Variants in NCOA1 observed in about 807,000 individuals in gnomAD.
NCOA1 encodes Hin-2 protein.
A neutral mutation model predicts 150.9 loss-of-function variants in NCOA1; 35 were observed. The observed-to-expected ratio is 0.23, with a 90% confidence interval of 0.18 to 0.31. NCOA1 has a LOEUF of 0.31. Ranked by LOEUF, NCOA1 falls within the 10% of genes least tolerant of loss-of-function variation. The pLI, the probability that NCOA1 is intolerant of heterozygous loss-of-function variation, is 1.00. For missense variants in NCOA1, 1,491 were observed against 1,749.3 expected (o/e 0.85, Z 2.63); for synonymous variants, 590 against 630.0 (o/e 0.94, Z 0.95).
chr2:24,600,068 T>A (rs1475177688), intron 3 of NCOA1, among the ~76,000 whole-genome samples: 2 of 152,190 alleles, frequency 1.3e-5, no homozygotes. Flanking sequence ...ATTATATAAA[T>A]CAGAGCCCTG....
chr2:24,700,926 T>TCCC (rs1673126889), intron 11 of NCOA1, among the ~76,000 whole-genome samples: 1 of 152,238 alleles, frequency 6.6e-6, no homozygotes, highest in African/African-American at 2.4e-5. Flanking sequence ...AATGATGTTT[T>TCCC]ATGGGTAATC....
chr2:24,510,425 C>A (rs1291539395), intron 1 of NCOA1, among the ~76,000 whole-genome samples: 1 of 152,140 alleles, frequency 6.6e-6, no homozygotes, highest in African/African-American at 2.4e-5. Context: ...TAGCTGACTG[C>A]AGCCTCAAAC....
intron 9 of NCOA1, 39 bp from the exon 10 acceptor site, chr2:24,693,213 A>ACT: frequency 6.4e-7 from 1 of 1,562,232 alleles, no homozygotes; most frequent in Non-Finnish European, 8.8e-7. Context: ...ACCATTTTCT[A>ACT]CTCTCTATCC....
At chr2:24,703,834 C>T (rs916271741) in intron 11 of NCOA1, among the ~76,000 whole-genome samples, 3 of 152,084 alleles carry the variant, frequency 2.0e-5, no homozygotes, top group Non-Finnish European at 4.4e-5. Flanking sequence ...AAAATGTAAT[C>T]AAAGCCCCTT....
intron 4 of NCOA1, among the ~76,000 whole-genome samples, chr2:24,653,675 T>C (rs530681409): frequency 2.6e-5 from 4 of 152,268 alleles, no homozygotes; most frequent in East Asian, 3.9e-4. Context: ...TTGTAACTTA[T>C]AGCACATTGT....
rs1662948651 is a variant in NCOA1 at position 24,491,468 on chromosome 2, A to AC, written c.-526dup. Among the ~76,000 whole-genome samples, 2 of 2,814 alleles carry AC rather than the reference A, an allele frequency of 7.1e-4. No homozygotes were observed. The highest frequency in any genetic ancestry group is 1.5e-3 in the African/African-American group (1 of 646). The allele number at this position is 2,814 out of a possible 152,430, so 1.8% of individuals were successfully genotyped here. ...TCCCTCTGCATCCCCCTGCGGGGGG[A>AC]CCCCTGCTCCGGAGGAGGGGGCCGG... On this transcript the variant is annotated 5_prime_UTR_variant, in exon 1 of 23. Transcript: ENST00000348332.
chr2:24,527,390 A>G (rs1664696104), intron 1 of NCOA1, among the ~76,000 whole-genome samples: 1 of 152,138 alleles, frequency 6.6e-6, no homozygotes, highest in South Asian at 2.1e-4. Flanking sequence ...AAAACATTCC[A>G]TATGTGAGGT....
chr2:24,546,524 G>A (rs1665612068), intron 1 of NCOA1, among the ~76,000 whole-genome samples: 1 of 152,136 alleles, frequency 6.6e-6, no homozygotes, highest in Admixed American at 6.5e-5. Context: ...ATCTAATTAA[G>A]ATAGAAAAAT....
intron 11 of NCOA1, among the ~76,000 whole-genome samples, chr2:24,698,060 C>G (rs921284854): frequency 1.3e-5 from 2 of 151,988 alleles, no homozygotes; most frequent in Non-Finnish European, 2.9e-5. Flanking sequence ...GTATCAAGTT[C>G]CCAACATACG....
Position 24,707,688 on chromosome 2 carries a change from A to C in NCOA1, c.2218A>C (p.Lys740Gln). Residue 740 changes from lysine to glutamine, a missense_variant, in exon 13 of 23, where the codon AAA (lysine) becomes CAA (glutamine). Lys to Gln is a moderately conservative substitution (Grantham distance 53). Around this residue, in one of 8 missense-constraint regions of NCOA1, gnomAD observed 703 missense variants for 717.7 expected, o/e 0.98. Transcript: ENST00000348332. Reference sequence around the variant, plus strand: ...AAAACTAGAACTGGATGCTTCAAAGAAAAAAGAATCAAAAGACCATCAGCT... The same window carrying C: ...AAAACTAGAACTGGATGCTTCAAAGCAAAAAGAATCAAAAGACCATCAGCT... ...SIKLELDASK[K>Q]KESKDHQLLR... is the part of the protein sequence containing the mutation. 1 of 1,614,184 alleles carries C rather than the reference A, an allele frequency of 6.2e-7. No individual in the cohort carries two copies. Among genetic ancestry groups the C allele is most frequent in the South Asian group, 1.1e-5 (1 of 91,088 alleles).
intron 1 of NCOA1, among the ~76,000 whole-genome samples, chr2:24,535,084 A>G (rs1374927181): frequency 2.0e-5 from 3 of 152,136 alleles, no homozygotes; most frequent in African/African-American, 7.2e-5. Flanking sequence ...GTGGGAGTCT[A>G]AGTCTCTTTG....
At chr2:24,702,139 A>G (rs983590711) in intron 11 of NCOA1, among the ~76,000 whole-genome samples, 5 of 152,218 alleles carry the variant, frequency 3.3e-5, no homozygotes, top group African/African-American at 1.2e-4. Context: ...AGACTTGTGT[A>G]ATGTGATTAA....
At chr2:24,704,777 GAAA>G in intron 11 of NCOA1, among the ~76,000 whole-genome samples, 2 of 134,750 alleles carry the variant, frequency 1.5e-5, no homozygotes, top group Admixed American at 1.4e-4. Context: ...TGTCTCAAAA[GAAA>G]AAAAAAAAAA....
chr2:24,653,780 C>G (rs983947492), intron 4 of NCOA1, among the ~76,000 whole-genome samples: 1 of 151,988 alleles, frequency 6.6e-6, no homozygotes, highest in East Asian at 1.9e-4. Flanking sequence ...CATTGGAGGC[C>G]GAAAAGATGA....
chr2:24,567,536 T>C (rs1345344549), intron 2 of NCOA1, among the ~76,000 whole-genome samples: 1 of 152,228 alleles, frequency 6.6e-6, no homozygotes, highest in Non-Finnish European at 1.5e-5. Flanking sequence ...TACACCCATC[T>C]GAAGCCATTT....
intron 3 of NCOA1, among the ~76,000 whole-genome samples, chr2:24,612,840 G>T (rs1668690174): frequency 6.6e-6 from 1 of 151,978 alleles, no homozygotes; most frequent in South Asian, 2.1e-4. Flanking sequence ...GGATCCCAGT[G>T]AGCTTCCTTG....
At chr2:24,695,629 C>T (rs927561863) in intron 10 of NCOA1, among the ~76,000 whole-genome samples, 2 of 151,950 alleles carry the variant, frequency 1.3e-5, no homozygotes, top group African/African-American at 4.8e-5. Context: ...TACTTTTTAA[C>T]TCTTCATGGG....
At chr2:24,561,363 A>G (rs370584099) in intron 1 of NCOA1, among the ~76,000 whole-genome samples, 2 of 152,196 alleles carry the variant, frequency 1.3e-5, no homozygotes, top group East Asian at 3.8e-4. Flanking sequence ...ACCAATAGAC[A>G]TAACTATGTA....
Position 24,605,387 on chromosome 2 carries a change from T to C in NCOA1, c.-175+20827T>C, listed in dbSNP as rs375137333. On this transcript the variant is annotated intron_variant, in intron 3 of 22. Coordinates refer to ENST00000348332, the MANE Select transcript of NCOA1 (RefSeq NM_003743.5). Reference sequence around the variant, plus strand: ...TTGTATGTATTCTACTATCTACCTCTTAAGTTTTTAAAAATTTTTAAGATT... The same window carrying C: ...TTGTATGTATTCTACTATCTACCTCCTAAGTTTTTAAAAATTTTTAAGATT... 5.3e-5 allele frequency among the ~76,000 whole-genome samples: 8 copies of C among 152,202 alleles called. No homozygotes were observed. The East Asian group carries it at 1.5e-3, about 29-fold the overall frequency.
Sources: allele counts gnomAD v4.1 joint callset (sites outside exome capture counted in the v4.1 genomes callset), GRCh38; gene constraint gnomAD v4.1.1; regional missense constraint gnomAD v4.1.1; transcripts MANE v1.5; gene names NCBI Gene and HGNC (gene_info 2026-07-23, HGNC 2026-07-21).